INSL5: variants seen among roughly 807,000 people sequenced by gnomAD.
The protein encoded by INSL5 is insulin like 5.
A neutral mutation model predicts 4.3 loss-of-function variants in INSL5; 3 were observed. That is an observed-to-expected ratio of 0.70 (90% CI 0.32 to 1.82). INSL5 has a LOEUF of 1.82. INSL5 is among the 40% of genes most tolerant of loss of function. The pLI is 0.08. For synonymous variants in INSL5, 68 were observed against 56.6 expected, an observed-to-expected ratio of 1.20 and a Z score of -0.90; for missense variants, 168 against 160.9, an observed-to-expected ratio of 1.04 and a Z score of -0.24.
Position 66,797,991 on chromosome 1 carries a change from C to T in INSL5, c.*22G>A. 1.4e-6 allele frequency: 2 copies of T among 1,479,652 alleles called. No homozygotes were observed. Among genetic ancestry groups the T allele is most frequent in the Non-Finnish European group, 1.9e-6 (2 of 1,058,128 alleles). The allele number at this position is 1,479,652 out of a possible 1,614,324, so 91.7% of individuals were successfully genotyped here. A position where few individuals can be genotyped will look rare whatever the true frequency, so the allele number is the denominator to read the frequency against. On this transcript the variant is annotated 3_prime_UTR_variant, in exon 2 of 2. Transcript: ENST00000304526. ...TAAACATGTGATAAAGCTCTGCCACCCATTGGGTATTTGCTCTTGTCTTAG... is the reference window on the plus strand; with the variant it reads ...TAAACATGTGATAAAGCTCTGCCACTCATTGGGTATTTGCTCTTGTCTTAG...
chr1:66,799,963 C>T (rs1645364368), intron 1 of INSL5, among the ~76,000 whole-genome samples: 1 of 151,934 alleles, frequency 6.6e-6, no homozygotes, highest in Non-Finnish European at 1.5e-5. Context: ...GTGTGAGGAT[C>T]ACTTGAGTGC....
Sources: allele counts gnomAD v4.1 joint callset (sites outside exome capture counted in the v4.1 genomes callset), GRCh38; gene constraint gnomAD v4.1.1; transcripts MANE v1.5; gene names NCBI Gene and HGNC (gene_info 2026-07-23, HGNC 2026-07-21).